Variants in ADH7 observed in about 807,000 individuals in gnomAD.
ADH7 encodes alcohol dehydrogenase 7 (class IV), mu or sigma polypeptide, also known as all-trans-retinol dehydrogenase [NAD(+)] ADH7.
ADH7 carries 41 observed loss-of-function variants against 34.4 expected under a neutral mutation model. That is an observed-to-expected ratio of 1.19 (90% CI 0.93 to 1.55). The LOEUF is 1.55. ADH7 is among the 40% of genes most tolerant of loss of function. The pLI is 0.00. For synonymous variants in ADH7, 180 were observed against 160.9 expected (o/e 1.12, Z -0.90); for missense variants, 540 against 461.2 (o/e 1.17, Z -1.56).
In ADH7 at chr4:99,412,823, T is replaced by C. The variant is rs901145180; in HGVS notation, c.*325A>G. On this transcript the variant is annotated 3_prime_UTR_variant, in exon 9 of 9. Transcript: ENST00000437033. ...TATACGCTATATCTGTTTTGAGTTA[T>C]ATATCTGCAGCAGCTGGTTAAAACT... 9 of 257,290 alleles carry C rather than the reference T, an allele frequency of 3.5e-5. No individual in the cohort carries two copies. Among genetic ancestry groups the C allele is most frequent in the Non-Finnish European group, 5.1e-5 (7 of 136,782 alleles). The allele number at this position is 257,290 out of a possible 1,614,324, so 15.9% of individuals were successfully genotyped here.
intron 7 of ADH7, among the ~76,000 whole-genome samples, chr4:99,417,607 T>C (rs1033296235): frequency 1.1e-4 from 17 of 152,128 alleles, no homozygotes; most frequent in Non-Finnish European, 2.4e-4. Context: ...CATTTATTTA[T>C]TGTCAGTCTC....
At chr4:99,432,458 A>G (rs2110141621) in intron 1 of ADH7, among the ~76,000 whole-genome samples, 1 of 152,302 alleles carries the variant, frequency 6.6e-6, no homozygotes, top group South Asian at 2.1e-4. Flanking sequence ...GTACCCCTGA[A>G]CCTAAAATAA....
At chr4:99,428,716 T>C (rs969730020) in intron 2 of ADH7, 86 bp from the exon 3 acceptor site, 160 of 1,473,374 alleles carry the variant, frequency 1.1e-4, no homozygotes, top group Non-Finnish European at 1.4e-4. Context: ...GAAGAAATTA[T>C]AATTGTTTAA....
rs935303402 is a variant in ADH7 at position 99,429,489 on chromosome 4, T to A, written c.120+43A>T. On this transcript the variant is annotated intron_variant, in intron 2 of 8. Transcript: ENST00000437033. ...CAACAGTGCTATATTCAATATAAGT[T>A]TGATAACGCTTTTGGCTTAAGTTCT... is the stretch of plus-strand genomic sequence containing the variant. 3 of 1,437,708 alleles carry A rather than the reference T, an allele frequency of 2.1e-6. No individual in the cohort carries two copies. In the African/African-American group the frequency reaches 4.2e-5, roughly 20 times the overall value. 89.1% of individuals were successfully genotyped at this position (1,437,708 alleles called of 1,614,324 possible). A position where few individuals can be genotyped will look rare whatever the true frequency, so the allele number is the denominator to read the frequency against.
intron 2 of ADH7, among the ~76,000 whole-genome samples, chr4:99,429,202 C>T (rs1721884735): frequency 2.0e-5 from 3 of 152,168 alleles, no homozygotes. Flanking sequence ...AAAGTAACCT[C>T]AAAACAATCT....
intron 5 of ADH7, among the ~76,000 whole-genome samples, chr4:99,421,193 G>T (rs1051861860): frequency 5.3e-5 from 8 of 152,010 alleles, no homozygotes; most frequent in Non-Finnish European, 7.4e-5. Context: ...ATATAGCCAA[G>T]ACAATCCTAA....
intron 5 of ADH7, among the ~76,000 whole-genome samples, chr4:99,422,767 T>A (rs1721696364): frequency 6.6e-6 from 1 of 151,454 alleles, no homozygotes; most frequent in Admixed American, 6.6e-5. Flanking sequence ...CATTTCTTGA[T>A]AAAGGTTTTT....
chr4:99,420,622 A>G lies in ADH7; in HGVS notation c.736T>C (p.Ser246Pro). The G allele has an allele frequency of 6.2e-7, 1 of 1,613,944 alleles. No individual in the cohort carries two copies. The highest frequency in any genetic ancestry group is 1.1e-5 in the South Asian group (1 of 91,080). ...AGCACCTCACTGATGGGTTTGGTAG[A>G]GTCCTTGGGACTGATACACTCAGTG... ...GATECISPKD[S>P]TKPISEVLSE... The change falls in exon 6 of 9, where the codon TCT (serine) becomes CCT (proline). Residue 246 changes from serine (S) to proline (P), a missense_variant. Transcript: ENST00000437033.
chr4:99,420,867 A>C (rs1293036296), intron 5 of ADH7, 74 bp from the exon 6 acceptor site: 6 of 1,412,536 alleles, frequency 4.2e-6, no homozygotes, highest in Non-Finnish European at 5.8e-6. Flanking sequence ...GCCTCCAGTT[A>C]AAAACACAAA....
At chr4:99,424,444 C>A (rs1233800222) in intron 5 of ADH7, among the ~76,000 whole-genome samples, 1 of 152,150 alleles carries the variant, frequency 6.6e-6, no homozygotes, top group African/African-American at 2.4e-5. Context: ...ATGGGGATGG[C>A]ATTGAATCTA....
rs748749823 is a variant in ADH7, at chr4:99,420,736, T to C, written c.622A>G (p.Ile208Val). The C allele has an allele frequency of 1.7e-5, 27 of 1,613,788 alleles. No individual in the cohort carries two copies. In the South Asian group the frequency reaches 2.4e-4, roughly 14 times the overall value. Reference protein sequence around the residue: ...FGLGGVGLSVIMGCKSAGASR... With the variant: ...FGLGGVGLSVVMGCKSAGASR... ...GCACCAGCTGACTTACAGCCCATGATGACTGACAGGCCAACTCCTCCCAGG... is the reference window on the plus strand; with the variant it reads ...GCACCAGCTGACTTACAGCCCATGACGACTGACAGGCCAACTCCTCCCAGG... The change falls in exon 6 of 9, where the codon ATC (isoleucine) becomes GTC (valine). Residue 208 changes from isoleucine to valine, a missense_variant. Ile to Val is a conservative substitution (Grantham distance 29). Coordinates refer to ENST00000437033, the MANE Select transcript of ADH7 (RefSeq NM_000673.7).
At position 99,428,622 on chromosome 4, in the gene ADH7, G is replaced by A. The variant is rs1209553642; in HGVS notation, c.129C>T (p.Ala43=). 6.2e-7 allele frequency: 1 copy of A among 1,611,458 alleles called. No homozygotes were observed. Residue 43 remains alanine (A), a synonymous_variant, in exon 3 of 9, where the codon GCC becomes GCT. Coordinates refer to ENST00000437033, the MANE Select transcript of ADH7 (RefSeq NM_000673.7). ...GGTCATCTGTGCGACAGATTCCTGT[G>A]GCCAAAATCTGTGTTCAAAGACAAA... ...KTKEVRIKIL[A]TGICRTDDHV...
intron 7 of ADH7, among the ~76,000 whole-genome samples, chr4:99,416,943 C>A (rs1721533862): frequency 6.6e-6 from 1 of 152,030 alleles, no homozygotes; most frequent in South Asian, 2.1e-4. Flanking sequence ...TGCTTAGGCC[C>A]AAAAATCTTG....
intron 8 of ADH7, 187 bp downstream of exon 8, chr4:99,415,291 G>GTTTT: frequency 3.9e-5 from 22 of 566,828 alleles, no homozygotes; most frequent in Admixed American, 6.9e-5. Context: ...GTCTCGGGCA[G>GTTTT]TTTTTTTTTT....
chr4:99,413,084 G>A lies in ADH7; in HGVS notation c.*64C>T. ...GAGACAGATACATGATTTCAGATGA[G>A]GGAACTCTCACAAGAGAAACTCCAG... On this transcript the variant is annotated 3_prime_UTR_variant, in exon 9 of 9. Transcript: ENST00000437033. 1 of 1,533,766 alleles carries A rather than the reference G, an allele frequency of 6.5e-7. No individual in the cohort carries two copies. Among genetic ancestry groups the A allele is most frequent in the Non-Finnish European group, 9.0e-7 (1 of 1,110,478 alleles).
chr4:99,421,940 A>C (rs1721674836), intron 5 of ADH7, among the ~76,000 whole-genome samples: 1 of 152,220 alleles, frequency 6.6e-6, no homozygotes, highest in African/African-American at 2.4e-5. Context: ...TGCAAATCAA[A>C]ACCACCGTGT....
rs768830596 is a variant in ADH7, at chr4:99,435,226, G to C, written c.8C>G (p.Thr3Ser). The change falls in exon 1 of 9, where the codon ACT (threonine) becomes AGT (serine). Residue 3 changes from threonine (T) to serine (S), a missense_variant. Physicochemically the swap from Thr to Ser is moderately conservative, Grantham distance 58. Coordinates refer to ENST00000437033, the MANE Select transcript of ADH7 (RefSeq NM_000673.7). MGTAGKVIKCKAA... is the reference protein window; with the variant it reads MGSAGKVIKCKAA... ...AAATGTTCCACTTACTTTTCCAGCA[G>C]TGCCCATCCTGTCTTTGTCTTGGAT... is the stretch of plus-strand genomic sequence containing the variant. 8 of 1,613,416 alleles carry C rather than the reference G, an allele frequency of 5.0e-6. No homozygotes were observed. Among genetic ancestry groups the C allele is most frequent in the Non-Finnish European group, 6.8e-6 (8 of 1,179,726 alleles).
intron 8 of ADH7, among the ~76,000 whole-genome samples, chr4:99,414,042 T>A (rs1721464372): frequency 6.6e-6 from 1 of 152,164 alleles, no homozygotes; most frequent in Non-Finnish European, 1.5e-5. Flanking sequence ...TTACAAATGT[T>A]AGTTTGGATG....
At chr4:99,427,711 C>A in intron 5 of ADH7, 62 bp downstream of exon 5, 2 of 1,213,160 alleles carry the variant, frequency 1.6e-6, no homozygotes, top group South Asian at 2.8e-5. Context: ...CTTCAAGATT[C>A]CAAGCAAATC....
Sources: gnomAD v4.1 joint callset for allele counts (sites outside exome capture counted in the v4.1 genomes callset) on GRCh38, gnomAD v4.1.1 for gene constraint, MANE v1.5 for transcripts, NCBI Gene and HGNC (gene_info 2026-07-23, HGNC 2026-07-21) for gene names.